Variants in ADK observed in about 807,000 individuals in gnomAD.
ADK encodes the protein N6,N6-dimethyladenosine kinase.
Under a neutral mutation model 44.7 loss-of-function variants are expected in ADK, and 24 were observed. The observed-to-expected ratio is 0.54, with a 90% CI of 0.39 to 0.76. The LOEUF (loss-of-function observed/expected upper bound fraction) is 0.76. ADK is among the 30% of genes least tolerant of loss of function. ADK has a pLI of 0.00. For synonymous variants in ADK, 128 were observed against 142.6 expected (o/e 0.90, Z 0.73); for missense variants, 321 against 425.1 (o/e 0.76, Z 2.15).
At chr10:74,655,224 C>G (rs752892709) in intron 9 of ADK, 11 of 384,286 alleles carry the variant, frequency 2.9e-5, no homozygotes, top group Non-Finnish European at 5.7e-5. Context: ...TGGACAGAGA[C>G]AGGTGCATGG....
rs376118678 is a variant in ADK at position 74,458,299 on chromosome 10, G to GTTT, written c.555+59737_555+59739dup. On this transcript the variant is annotated intron_variant, in intron 6 of 10. Coordinates refer to ENST00000539909, the MANE Select transcript of ADK (RefSeq NM_006721.4). ...GCGTGCACCACCACTCCCAGGTTTT[G>GTTT]TTTTTTTTTTTTTTTTTTTGCAGAG... Among the ~76,000 whole-genome samples, 410 of 79,048 alleles carry GTTT rather than the reference G, an allele frequency of 5.2e-3. 13 individuals are homozygous for GTTT. The highest frequency in any genetic ancestry group is 6.9e-3 in the Non-Finnish European group (271 of 39,304). 51.9% of individuals were successfully genotyped at this position (79,048 alleles called of 152,430 possible).
At chr10:74,233,679 C>T (rs987946713) in intron 3 of ADK, among the ~76,000 whole-genome samples, 3 of 152,072 alleles carry the variant, frequency 2.0e-5, no homozygotes, top group Non-Finnish European at 4.4e-5. Flanking sequence ...TAAGTTCCTC[C>T]GATATCATTT....
intron 1 of ADK, among the ~76,000 whole-genome samples, chr10:74,176,189 G>A (rs1198590660): frequency 6.6e-6 from 1 of 152,142 alleles, no homozygotes; most frequent in Non-Finnish European, 1.5e-5. Context: ...GCTGCTCTAA[G>A]TGTTTCTGAA....
intron 3 of ADK, among the ~76,000 whole-genome samples, chr10:74,230,736 C>G (rs1844729076): frequency 6.7e-6 from 1 of 150,222 alleles, no homozygotes; most frequent in Admixed American, 6.7e-5. Flanking sequence ...GGCTGGAGTA[C>G]AGTGGCGCGA....
intron 10 of ADK, among the ~76,000 whole-genome samples, chr10:74,690,275 G>A (rs12146408): frequency 4.0e-4 from 61 of 152,278 alleles, no homozygotes; most frequent in Non-Finnish European, 6.3e-4. Flanking sequence ...TGGGTGGATC[G>A]CTTGAACTCA....
chr10:74,294,842 A>G (rs1437200358), intron 3 of ADK, among the ~76,000 whole-genome samples: 1 of 152,032 alleles, frequency 6.6e-6, no homozygotes, highest in Non-Finnish European at 1.5e-5. Flanking sequence ...GGTGTTTAAG[A>G]ATATTTTATA....
chr10:74,344,547 T>C (rs1447012841), intron 4 of ADK: 5 of 242,732 alleles, frequency 2.1e-5, no homozygotes, highest in Non-Finnish European at 4.5e-5. Flanking sequence ...TTCTCTATCA[T>C]GGTTGGCCAA....
At chr10:74,265,372 C>T (rs563459303) in intron 3 of ADK, among the ~76,000 whole-genome samples, 6 of 151,994 alleles carry the variant, frequency 3.9e-5, no homozygotes, top group African/African-American at 7.3e-5. Context: ...CGCACCACCA[C>T]GCCCAGCTAA....
At chr10:74,427,727 ATG>A (rs35949478) in intron 6 of ADK, among the ~76,000 whole-genome samples, 77,070 of 148,272 alleles carry the variant, frequency 0.52, 20,606 homozygotes, top group Middle Eastern at 0.67. Context: ...ATGTATATGT[ATG>A]TGTGTGTGTG....
rs1843000912 is a variant in ADK, at chr10:74,193,026, A to G, written c.66-7738A>G. 2.0e-5 allele frequency among the ~76,000 whole-genome samples: 3 copies of G among 152,206 alleles called. No homozygotes were observed. In the South Asian group the frequency reaches 6.2e-4, roughly 31 times the overall value. ...ATTTCTTTTGTTTCTAAGTTTTTAA[A>G]AAAGTATTTTGAAGCCATTTTATTT... On this transcript the variant is annotated intron_variant, in intron 1 of 10. Coordinates refer to ENST00000539909, the MANE Select transcript of ADK (RefSeq NM_006721.4).
At chr10:74,188,156 T>C (rs75213455) in intron 1 of ADK, among the ~76,000 whole-genome samples, 2,737 of 152,254 alleles carry the variant, frequency 0.018, 43 homozygotes, top group Non-Finnish European at 0.026. Context: ...TGAGTTGTTA[T>C]AAAGTTCATA....
chr10:74,375,901 G>GT (rs1564684980), intron 4 of ADK, among the ~76,000 whole-genome samples: 1 of 151,910 alleles, frequency 6.6e-6, no homozygotes, highest in African/African-American at 2.4e-5. Flanking sequence ...TTTGTGTGGG[G>GT]TTTTTGTTGT....
intron 2 of ADK, among the ~76,000 whole-genome samples, chr10:74,210,330 G>GAAAA (rs57852507): frequency 6.1e-4 from 52 of 84,832 alleles, no homozygotes; most frequent in African/African-American, 6.3e-4. Context: ...TCCATCTCAG[G>GAAAA]AAAAAAAAAA....
intron 6 of ADK, among the ~76,000 whole-genome samples, chr10:74,525,032 A>G (rs1243075689): frequency 6.6e-6 from 1 of 152,218 alleles, no homozygotes; most frequent in Non-Finnish European, 1.5e-5. Context: ...ATATAAACCT[A>G]GTATGAAATA....
At chr10:74,630,471 G>A (rs1217433699) in intron 9 of ADK, among the ~76,000 whole-genome samples, 1 of 151,762 alleles carries the variant, frequency 6.6e-6, no homozygotes, top group East Asian at 1.9e-4. Flanking sequence ...AAGAGTACTG[G>A]CCAGTTATTT....
At chr10:74,407,207 C>G (rs1015491975) in intron 6 of ADK, among the ~76,000 whole-genome samples, 1 of 152,124 alleles carries the variant, frequency 6.6e-6, no homozygotes, top group Non-Finnish European at 1.5e-5. Flanking sequence ...CTGCCTGTCT[C>G]GACCTCCCAA....
At chr10:74,658,840 G>A (rs1461633785) in intron 9 of ADK, among the ~76,000 whole-genome samples, 1 of 151,976 alleles carries the variant, frequency 6.6e-6, no homozygotes, top group Non-Finnish European at 1.5e-5. Context: ...TTCATTTAGT[G>A]AACCTATTAA....
chr10:74,484,298 A>C (rs1389607481), intron 6 of ADK, among the ~76,000 whole-genome samples: 2 of 152,108 alleles, frequency 1.3e-5, no homozygotes, highest in African/African-American at 2.4e-5. Context: ...TAACATCCAG[A>C]TCTCATTGAG....
chr10:74,301,926 G>A (rs933463924), intron 3 of ADK, among the ~76,000 whole-genome samples: 5 of 151,948 alleles, frequency 3.3e-5, no homozygotes, highest in African/African-American at 1.2e-4. Context: ...TTAAATGTTT[G>A]AAGTGTTACA....
Sources: gnomAD v4.1 joint callset for allele counts (sites outside exome capture counted in the v4.1 genomes callset) on GRCh38, gnomAD v4.1.1 for gene constraint, MANE v1.5 for transcripts, NCBI Gene and HGNC (gene_info 2026-07-23, HGNC 2026-07-21) for gene names.